Variants in FHIP1A observed in about 807,000 individuals in gnomAD.
FHIP1A encodes the protein FHF complex subunit HOOK-interacting protein 1A.
Under a neutral mutation model 88.6 loss-of-function variants are expected in FHIP1A, and 61 were observed. That is an observed-to-expected ratio of 0.69 (90% CI 0.56 to 0.85). FHIP1A has a LOEUF of 0.85. Among genes scored for constraint, FHIP1A ranks in the 40% least tolerant of loss-of-function variants. FHIP1A has a pLI of 0.00. For missense variants in FHIP1A, 1,154 were observed against 1,273.5 expected, an observed-to-expected ratio of 0.91 and a Z score of 1.43; for synonymous variants, 478 against 496.0, an observed-to-expected ratio of 0.96 and a Z score of 0.48.
chr4:151,509,481 T>C (rs1200901488), intron 3 of FHIP1A, among the ~76,000 whole-genome samples: 3 of 152,136 alleles, frequency 2.0e-5, no homozygotes, highest in Non-Finnish European at 4.4e-5. Context: ...TTTACCTTCC[T>C]GGGGTAGTGA....
chr4:151,544,992 T>A (rs1031430897), intron 3 of FHIP1A, among the ~76,000 whole-genome samples: 3 of 152,150 alleles, frequency 2.0e-5, no homozygotes, highest in Non-Finnish European at 4.4e-5. Context: ...GGAGGACCAC[T>A]TGAGCCCTGG....
chr4:151,592,918 C>G (rs542905239), intron 7 of FHIP1A, among the ~76,000 whole-genome samples: 121 of 152,232 alleles, frequency 7.9e-4, no homozygotes, highest in African/African-American at 2.8e-3. Flanking sequence ...ACTCTTTAAT[C>G]CATCGTGAAT....
rs367829139 is a variant in FHIP1A at position 151,595,601 on chromosome 4, A to T, written c.978+6675A>T. Among the ~76,000 whole-genome samples, 4 of 152,274 alleles carry T rather than the reference A, an allele frequency of 2.6e-5. No homozygotes were observed. In the South Asian group the frequency reaches 8.3e-4, roughly 32 times the overall value. Reference sequence around the variant, plus strand: ...TCTTTGTTAATTTTCTGTCTCATTGATCTGTCTAATATTGACAGTGGGGTG... The same window carrying T: ...TCTTTGTTAATTTTCTGTCTCATTGTTCTGTCTAATATTGACAGTGGGGTG... On this transcript the variant is annotated intron_variant, in intron 7 of 13. Transcript: ENST00000435205.
At position 151,664,283 on chromosome 4, in the gene FHIP1A, G is replaced by T. The variant is rs1578880183; in HGVS notation, c.*1529G>T. ...TAATCAGGCCTTTCATGCACAGGCA[G>T]GGCAGTGGCGGAAGAACCACACCTG... On this transcript the variant is annotated 3_prime_UTR_variant, in exon 14 of 14. Coordinates refer to ENST00000435205, the MANE Select transcript of FHIP1A (RefSeq NM_001109977.3). Among the ~76,000 whole-genome samples the T allele has an allele frequency of 6.6e-6, 1 of 152,220 alleles. No homozygotes were observed. Among genetic ancestry groups the T allele is most frequent in the African/African-American group, 2.4e-5 (1 of 41,460 alleles).
At chr4:151,604,861 T>A (rs1480058782) in intron 7 of FHIP1A, among the ~76,000 whole-genome samples, 1 of 150,786 alleles carries the variant, frequency 6.6e-6, no homozygotes, top group Admixed American at 6.6e-5. Flanking sequence ...AAAAAAAAAA[T>A]ACTAATAATA....
At chr4:151,462,023 A>T (rs557228584) in intron 2 of FHIP1A, among the ~76,000 whole-genome samples, 3 of 152,242 alleles carry the variant, frequency 2.0e-5, no homozygotes, top group Admixed American at 6.5e-5. Context: ...TTAGCCAGGC[A>T]TGGTGGTGCA....
chr4:151,529,874 G>A (rs57329779), intron 3 of FHIP1A, among the ~76,000 whole-genome samples: 1,818 of 152,254 alleles, frequency 0.012, 32 homozygotes, highest in African/African-American at 0.038. Context: ...GTAGGCCATG[G>A]CATGTTTTTC....
At chr4:151,422,955 G>A (rs1733231543) in intron 1 of FHIP1A, among the ~76,000 whole-genome samples, 1 of 152,150 alleles carries the variant, frequency 6.6e-6, no homozygotes, top group Non-Finnish European at 1.5e-5. Flanking sequence ...AATATGAAGA[G>A]GGAATCATTT....
intron 4 of FHIP1A, among the ~76,000 whole-genome samples, chr4:151,571,423 C>T (rs1733597823): frequency 6.6e-6 from 1 of 152,108 alleles, no homozygotes; most frequent in South Asian, 2.1e-4. Flanking sequence ...TAACCTTTTT[C>T]ATCTTGGAGG....
chr4:151,646,123 C>T (rs949257774), intron 9 of FHIP1A, among the ~76,000 whole-genome samples: 1 of 152,076 alleles, frequency 6.6e-6, no homozygotes, highest in Non-Finnish European at 1.5e-5. Context: ...AATTGTGATA[C>T]AAGATAATAT....
At chr4:151,409,801 G>T (rs1456362334) in intron 1 of FHIP1A, among the ~76,000 whole-genome samples, 1 of 152,090 alleles carries the variant, frequency 6.6e-6, no homozygotes, top group Admixed American at 6.5e-5. Flanking sequence ...CCATTCCTTG[G>T]TCCCAGGGTC....
At chr4:151,556,126 A>G (rs1732938077) in intron 3 of FHIP1A, among the ~76,000 whole-genome samples, 1 of 152,084 alleles carries the variant, frequency 6.6e-6, no homozygotes, top group Non-Finnish European at 1.5e-5. Flanking sequence ...TAATATGCGT[A>G]TTTTTGGGAG....
At position 151,427,840 on chromosome 4, in the gene FHIP1A, T is replaced by G. The variant is rs188540338; in HGVS notation, c.-356+18375T>G. Among the ~76,000 whole-genome samples the G allele has an allele frequency of 3.3e-5, 5 of 152,278 alleles. No individual in the cohort carries two copies. In the East Asian group the frequency reaches 9.7e-4, roughly 29 times the overall value. On this transcript the variant is annotated intron_variant, in intron 1 of 13. Coordinates refer to ENST00000435205, the MANE Select transcript of FHIP1A (RefSeq NM_001109977.3). ...ATCATTGGCGATGTGAGTAAAATCA[T>G]TGGCGAAGGAATAGATCTAAATCAT... is the stretch of plus-strand genomic sequence containing the variant.
In FHIP1A at chr4:151,566,144, G is replaced by A. The variant is rs1035726753; in HGVS notation, c.-116G>A. On this transcript the variant is annotated 5_prime_UTR_variant, in exon 4 of 14. Coordinates refer to ENST00000435205, the MANE Select transcript of FHIP1A (RefSeq NM_001109977.3). Reference sequence around the variant, plus strand: ...TTTATTATTGCCATTACAGGTTTTGGAAGGTGACAATGAAATGTGAAGAAG... The same window carrying A: ...TTTATTATTGCCATTACAGGTTTTGAAAGGTGACAATGAAATGTGAAGAAG... The A allele has an allele frequency of 5.3e-6, 3 of 566,936 alleles. No individual in the cohort carries two copies. The allele number at this position is 566,936 out of a possible 1,614,324, so 35.1% of individuals were successfully genotyped here.
chr4:151,411,237 TGATA>T (rs1732627380), intron 1 of FHIP1A, among the ~76,000 whole-genome samples: 1 of 152,146 alleles, frequency 6.6e-6, no homozygotes, highest in South Asian at 2.1e-4. Context: ...AATAGGAACT[TGATA>T]GATAATGACT....
At chr4:151,448,276 T>C (rs1270303844) in intron 1 of FHIP1A, among the ~76,000 whole-genome samples, 1 of 152,132 alleles carries the variant, frequency 6.6e-6, no homozygotes, top group African/African-American at 2.4e-5. Flanking sequence ...CAGTCTATGT[T>C]TTTCTGTTAT....
At chr4:151,605,433 A>G (rs1266224218) in intron 7 of FHIP1A, among the ~76,000 whole-genome samples, 1 of 152,196 alleles carries the variant, frequency 6.6e-6, no homozygotes. Context: ...CGCAATGATA[A>G]CTGTGACCAC....
intron 7 of FHIP1A, among the ~76,000 whole-genome samples, chr4:151,609,049 AC>A (rs1735191975): frequency 6.6e-6 from 1 of 152,080 alleles, no homozygotes. Flanking sequence ...TATGAAATCA[AC>A]CCTGCTCTCC....
chr4:151,586,533 T>C, intron 5 of FHIP1A, 108 bp from the exon 6 acceptor site: 1 of 867,576 alleles, frequency 1.2e-6, no homozygotes, highest in Non-Finnish European at 1.7e-6. Context: ...ACCTTGCTAC[T>C]TAAAGATATA....
Sources: allele counts gnomAD v4.1 joint callset (sites outside exome capture counted in the v4.1 genomes callset), GRCh38; gene constraint gnomAD v4.1.1; transcripts MANE v1.5; gene names NCBI Gene and HGNC (gene_info 2026-07-23, HGNC 2026-07-21).